Variants in PPFIA1 observed in about 807,000 individuals in gnomAD.
The protein encoded by PPFIA1 is liprin-alpha-1.
A neutral mutation model predicts 149.9 loss-of-function variants in PPFIA1; 25 were observed. The observed-to-expected ratio is 0.17, with a 90% confidence interval of 0.12 to 0.23. PPFIA1 has a LOEUF of 0.23. Ranked by LOEUF, PPFIA1 falls within the 10% of genes least tolerant of loss-of-function variation. PPFIA1 has a pLI of 1.00. For missense variants in PPFIA1, 1,362 were observed against 1,506.5 expected, an observed-to-expected ratio of 0.90 and a Z score of 1.59; for synonymous variants, 549 against 552.8, an observed-to-expected ratio of 0.99 and a Z score of 0.10.
At chr11:70,337,712 T>C (rs148704702) in intron 12 of PPFIA1, among the ~76,000 whole-genome samples, 1 of 152,364 alleles carries the variant, frequency 6.6e-6, no homozygotes, top group African/African-American at 2.4e-5. Flanking sequence ...AAATATAATA[T>C]GAGCTGCATA....
rs553364327 is a variant in PPFIA1, at chr11:70,308,657, C to T, written c.265-15745C>T. On this transcript the variant is annotated intron_variant, in intron 2 of 27. Transcript: ENST00000253925. ...TAAAAAATTGATCGCAGAGGCTGGGCGCAGTGGCTCATGCCTGTAATCCCA... is the reference window on the plus strand; with the variant it reads ...TAAAAAATTGATCGCAGAGGCTGGGTGCAGTGGCTCATGCCTGTAATCCCA... Among the ~76,000 whole-genome samples the T allele has an allele frequency of 2.0e-5, 3 of 152,138 alleles. No individual in the cohort carries two copies. In the South Asian group the frequency reaches 6.2e-4, roughly 32 times the overall value.
At position 70,382,980 on chromosome 11, in the gene PPFIA1, TTTTG is replaced by T. The variant is rs1458407674; in HGVS notation, c.*13-17_*13-14del. ...ATGGCCCGGCCTGTACTGAGTGGTT[TTTTG>T]TTTGTGTTTATTTTCCAGTTTACCC... On this transcript the variant is annotated intron_variant, in intron 27 of 27. Transcript: ENST00000253925. 1 of 396,580 alleles carries T rather than the reference TTTTG, an allele frequency of 2.5e-6. No individual in the cohort carries two copies. Among genetic ancestry groups the T allele is most frequent in the Non-Finnish European group, 4.8e-6 (1 of 208,396 alleles). 24.6% of individuals were successfully genotyped at this position (396,580 alleles called of 1,614,324 possible).
intron 11 of PPFIA1, among the ~76,000 whole-genome samples, chr11:70,336,868 C>CT (rs1019459291): frequency 7.2e-5 from 11 of 152,222 alleles, no homozygotes; most frequent in African/African-American, 2.7e-4. Context: ...ATCTGAGAGA[C>CT]TAATGATTCC....
chr11:70,279,008 C>A, intron 2 of PPFIA1: 1 of 543,252 alleles, frequency 1.8e-6, no homozygotes, highest in South Asian at 1.8e-5. Context: ...AGAGAGAGCC[C>A]AATTCTTTAT....
intron 2 of PPFIA1, among the ~76,000 whole-genome samples, chr11:70,323,118 C>T (rs561148025): frequency 8.5e-5 from 13 of 152,324 alleles, no homozygotes; most frequent in South Asian, 8.3e-4. Context: ...ACTAGCCAGC[C>T]GCAGTCCAGG....
chr11:70,311,160 T>C (rs1431536355), intron 2 of PPFIA1, among the ~76,000 whole-genome samples: 1 of 151,944 alleles, frequency 6.6e-6, no homozygotes, highest in Non-Finnish European at 1.5e-5. Flanking sequence ...AAATACAAAA[T>C]TAGCCAGGCG....
intron 2 of PPFIA1, among the ~76,000 whole-genome samples, chr11:70,274,281 A>G (rs540574458): frequency 6.6e-6 from 1 of 152,294 alleles, no homozygotes; most frequent in South Asian, 2.1e-4. Context: ...AAAAATATAC[A>G]TAACTATAGC....
chr11:70,367,648 G>A (rs986128431), intron 21 of PPFIA1: 1 of 454,444 alleles, frequency 2.2e-6, no homozygotes, highest in African/African-American at 2.0e-5. Context: ...CCCTGGGATG[G>A]AGCCTGATCC....
intron 2 of PPFIA1, among the ~76,000 whole-genome samples, chr11:70,311,202 C>T (rs1010419972): frequency 3.3e-5 from 5 of 151,604 alleles, no homozygotes; most frequent in South Asian, 2.1e-4. Flanking sequence ...CCAGGTACTC[C>T]GGAGGCTGAG....
intron 26 of PPFIA1, among the ~76,000 whole-genome samples, chr11:70,379,406 C>T (rs571484304): frequency 1.3e-5 from 2 of 151,382 alleles, no homozygotes; most frequent in Non-Finnish European, 2.9e-5. Flanking sequence ...TGCAGTGAGC[C>T]GAGATTGTGC....
At chr11:70,284,537 C>G (rs1219378297) in intron 2 of PPFIA1, among the ~76,000 whole-genome samples, 3 of 152,046 alleles carry the variant, frequency 2.0e-5, no homozygotes, top group African/African-American at 7.2e-5. Context: ...CACAATATAC[C>G]CATGCTCAAA....
At chr11:70,296,454 C>CG (rs1440754999) in intron 2 of PPFIA1, among the ~76,000 whole-genome samples, 9 of 152,146 alleles carry the variant, frequency 5.9e-5, no homozygotes, top group African/African-American at 2.2e-4. Context: ...CCGAGGCTGG[C>CG]GGACCACTCG....
At chr11:70,339,956 G>A (rs528390008) in intron 14 of PPFIA1, among the ~76,000 whole-genome samples, 31 of 151,998 alleles carry the variant, frequency 2.0e-4, no homozygotes, top group African/African-American at 6.3e-4. Flanking sequence ...GCGTTGCAGC[G>A]AGCTGAGAAA....
chr11:70,375,228 T>G, intron 24 of PPFIA1, 135 bp downstream of exon 24: 1 of 265,216 alleles, frequency 3.8e-6, no homozygotes, highest in African/African-American at 2.3e-5. Flanking sequence ...TTTTGGTTTT[T>G]TTTTTTTTTT....
chr11:70,378,253 T>G, intron 26 of PPFIA1, 58 bp downstream of exon 26: 1 of 1,571,334 alleles, frequency 6.4e-7, no homozygotes, highest in Non-Finnish European at 8.7e-7. Flanking sequence ...GCTTTCTGTC[T>G]GGAACATTAA....
intron 2 of PPFIA1, among the ~76,000 whole-genome samples, chr11:70,292,000 G>A (rs1226632078): frequency 2.0e-5 from 3 of 151,980 alleles, no homozygotes; most frequent in African/African-American, 7.3e-5. Context: ...ACCACACCTG[G>A]CTAATTTTTT....
At position 70,362,316 on chromosome 11, in the gene PPFIA1, T is replaced by C. The variant is rs746396602; in HGVS notation, c.2693T>C (p.Val898Ala). 2.5e-6 allele frequency: 4 copies of C among 1,614,114 alleles called. No individual in the cohort carries two copies. Among genetic ancestry groups the C allele is most frequent in the African/African-American group, 2.7e-5 (2 of 74,950 alleles). The change falls in exon 21 of 28, where the codon GTG (valine) becomes GCG (alanine). Residue 898 changes from valine to alanine, a missense_variant. Physicochemically the swap from Val to Ala is moderately conservative, Grantham distance 64. Around this residue, in one of 7 missense-constraint regions of PPFIA1, gnomAD observed 8 missense variants for 26.5 expected, o/e 0.30. Transcript: ENST00000253925. ...TGGGTTGGGATGCCAGCCTGGTATG[T>C]GGCTGCCTGCCGAGCAAACGTGAAA... Reference protein sequence around the residue: ...ELWVGMPAWYVAACRANVKSG... With the variant: ...ELWVGMPAWYAAACRANVKSG...
chr11:70,319,412 G>A (rs1184427085), intron 2 of PPFIA1, among the ~76,000 whole-genome samples: 1 of 152,158 alleles, frequency 6.6e-6, no homozygotes, highest in African/African-American at 2.4e-5. Flanking sequence ...TGAAGGGCAC[G>A]GCTCATGAGA....
At chr11:70,308,754 T>G (rs910950987) in intron 2 of PPFIA1, among the ~76,000 whole-genome samples, 1 of 151,880 alleles carries the variant, frequency 6.6e-6, no homozygotes, top group African/African-American at 2.4e-5. Context: ...CAACATAACA[T>G]CTCTTAAAAA....
Sources: gnomAD v4.1 joint callset for allele counts (sites outside exome capture counted in the v4.1 genomes callset) on GRCh38, gnomAD v4.1.1 for gene constraint, gnomAD v4.1.1 regional missense constraint, MANE v1.5 for transcripts, NCBI Gene and HGNC (gene_info 2026-07-23, HGNC 2026-07-21) for gene names.